Variants in DIS3L2 observed in about 807,000 individuals in gnomAD.
The protein encoded by DIS3L2 is DIS3-like exonuclease 2.
A neutral mutation model predicts 97.5 loss-of-function variants in DIS3L2; 34 were observed. The observed-to-expected ratio is 0.35, with a 90% CI of 0.27 to 0.46. The LOEUF (loss-of-function observed/expected upper bound fraction) is 0.46. Ranked by LOEUF, DIS3L2 falls within the 20% of genes least tolerant of loss-of-function variation. DIS3L2 has a pLI of 1.00. For synonymous variants in DIS3L2, 435 were observed against 445.2 expected, an observed-to-expected ratio of 0.98 and a Z score of 0.29; for missense variants, 1,038 against 1,146.0, an observed-to-expected ratio of 0.91 and a Z score of 1.36.
chr2:231,966,640 CATTT>C (rs1692723689), intron 1 of DIS3L2, among the ~76,000 whole-genome samples: 2 of 70,520 alleles, frequency 2.8e-5, no homozygotes, highest in African/African-American at 1.0e-4. Context: ...AGTTAAAAAA[CATTT>C]TTTTTTTTTT....
At chr2:232,232,804 G>T (rs1435462843) in intron 10 of DIS3L2, among the ~76,000 whole-genome samples, 2 of 152,158 alleles carry the variant, frequency 1.3e-5, no homozygotes, top group Non-Finnish European at 2.9e-5. Context: ...CAGAAATGAG[G>T]TTTGAATCCC....
chr2:232,333,209 T>TCCGCTGTCG (rs1302987635), intron 16 of DIS3L2, among the ~76,000 whole-genome samples: 7 of 49,604 alleles, frequency 1.4e-4, no homozygotes, highest in East Asian at 8.7e-4. Context: ...CTCCTCCTCC[T>TCCGCTGTCG]CCTCCTCCTC....
intron 5 of DIS3L2, among the ~76,000 whole-genome samples, chr2:232,064,542 G>T (rs12466111): frequency 0.1 from 15,151 of 152,112 alleles, 848 homozygotes; most frequent in African/African-American, 0.15. Context: ...TATTTCTCTT[G>T]GTTAAGTAGG....
intron 7 of DIS3L2, among the ~76,000 whole-genome samples, chr2:232,133,987 C>CAA (rs60195881): frequency 1.0e-4 from 8 of 76,324 alleles, no homozygotes; most frequent in African/African-American, 1.5e-4. Context: ...GACTCTGTCT[C>CAA]AAAAAAAAAA....
intron 9 of DIS3L2, among the ~76,000 whole-genome samples, chr2:232,188,947 A>C (rs1691530098): frequency 6.6e-6 from 1 of 152,230 alleles, no homozygotes; most frequent in South Asian, 2.1e-4. Context: ...TACAAATGGA[A>C]AACAAGCAAA....
chr2:232,051,629 G>T, intron 5 of DIS3L2, among the ~76,000 whole-genome samples: 1 of 151,064 alleles, frequency 6.6e-6, no homozygotes, highest in East Asian at 2.0e-4. Flanking sequence ...CGGCTAAAAC[G>T]GTGAAACACC....
At chr2:232,048,821 A>G (rs1048235259) in intron 5 of DIS3L2, among the ~76,000 whole-genome samples, 1 of 152,052 alleles carries the variant, frequency 6.6e-6, no homozygotes, top group Non-Finnish European at 1.5e-5. Flanking sequence ...ATAGTGTGTT[A>G]TTGAATATAG....
At chr2:232,206,578 C>T (rs1264141695) in intron 9 of DIS3L2, among the ~76,000 whole-genome samples, 2 of 152,160 alleles carry the variant, frequency 1.3e-5, no homozygotes, top group Non-Finnish European at 2.9e-5. Flanking sequence ...AAACTGTTCT[C>T]ATCTTGCAGG....
intron 9 of DIS3L2, among the ~76,000 whole-genome samples, chr2:232,166,906 A>T (rs1690840342): frequency 6.6e-6 from 1 of 151,994 alleles, no homozygotes; most frequent in Non-Finnish European, 1.5e-5. Context: ...CTATAATCCC[A>T]GCTACTTGGG....
intron 5 of DIS3L2, among the ~76,000 whole-genome samples, chr2:232,032,369 T>A (rs1694827637): frequency 1.3e-5 from 2 of 152,188 alleles, no homozygotes; most frequent in African/African-American, 4.8e-5. Context: ...TCTTGTAAAT[T>A]TGTTTAAGTT....
intron 5 of DIS3L2, among the ~76,000 whole-genome samples, chr2:232,077,616 C>A (rs907418259): frequency 2.6e-5 from 4 of 152,166 alleles, no homozygotes; most frequent in African/African-American, 9.7e-5. Flanking sequence ...TCTTTATGAT[C>A]CAGTGATTTG....
rs1397194684 is a variant in DIS3L2, at chr2:232,023,202, A to G, written c.211-1075A>G. The G allele has an allele frequency of 2.6e-5, 4 of 152,124 alleles. No homozygotes were observed. In the East Asian group the frequency reaches 7.7e-4, roughly 29 times the overall value. 9.4% of individuals were successfully genotyped at this position (152,124 alleles called of 1,614,324 possible). On this transcript the variant is annotated intron_variant, in intron 3 of 20. Transcript: ENST00000325385. ...TTAGTTAATCATTATCTTCTCCATCAGTGTGTCTCAGGGTCTTGAATATAG... is the reference window on the plus strand; with the variant it reads ...TTAGTTAATCATTATCTTCTCCATCGGTGTGTCTCAGGGTCTTGAATATAG...
intron 13 of DIS3L2, among the ~76,000 whole-genome samples, chr2:232,286,359 A>G (rs1299293850): frequency 6.6e-6 from 1 of 152,110 alleles, no homozygotes; most frequent in Non-Finnish European, 1.5e-5. Flanking sequence ...GGCAGACAGC[A>G]AGGCTTTGAA....
intron 9 of DIS3L2, among the ~76,000 whole-genome samples, chr2:232,206,061 G>A (rs1692018991): frequency 6.6e-6 from 1 of 152,166 alleles, no homozygotes; most frequent in Non-Finnish European, 1.5e-5. Flanking sequence ...GTAGGACAAG[G>A]GCACCATGGG....
chr2:232,091,661 A>T (rs962021554), intron 6 of DIS3L2, among the ~76,000 whole-genome samples: 2 of 152,006 alleles, frequency 1.3e-5, no homozygotes, highest in Non-Finnish European at 2.9e-5. Context: ...TTTCTTTTGG[A>T]TATGTACATA....
intron 13 of DIS3L2, among the ~76,000 whole-genome samples, chr2:232,296,508 A>G (rs1691678963): frequency 6.6e-6 from 1 of 152,152 alleles, no homozygotes; most frequent in Admixed American, 6.5e-5. Context: ...ATGTTGTGGG[A>G]GGGACCCAGT....
rs138487409 is a variant in DIS3L2, at chr2:232,270,589, TACCATG to T, written c.1659+7150_1659+7155del. On this transcript the variant is annotated intron_variant, in intron 13 of 20. Transcript: ENST00000325385. Reference sequence around the variant, plus strand: ...ATTTTTTTGGTACTACAAATAATAGTACCATGGCCATGGCCATCTGTGTTCGTAAAT... The same window carrying T: ...ATTTTTTTGGTACTACAAATAATAGTGCCATGGCCATCTGTGTTCGTAAAT... Among the ~76,000 whole-genome samples, 1,309 of 152,338 alleles carry T rather than the reference TACCATG, an allele frequency of 8.6e-3. 16 individuals carry two copies. Among genetic ancestry groups the T allele is most frequent in the African/African-American group, 0.03 (1,253 of 41,584 alleles).
intron 8 of DIS3L2, among the ~76,000 whole-genome samples, chr2:232,161,418 CAT>C (rs773640398): frequency 1.6e-4 from 24 of 152,304 alleles, no homozygotes; most frequent in Middle Eastern, 3.4e-3. Flanking sequence ...CAAATGTTGA[CAT>C]GTTATGTTTT....
intron 7 of DIS3L2, chr2:232,130,940 G>A (rs1007829470): frequency 2.7e-5 from 15 of 559,156 alleles, no homozygotes; most frequent in Non-Finnish European, 5.9e-6. Context: ...TTCTTTGAGT[G>A]TGGGTATGTT....
Sources: allele counts gnomAD v4.1 joint callset (sites outside exome capture counted in the v4.1 genomes callset), GRCh38; gene constraint gnomAD v4.1.1; transcripts MANE v1.5; gene names NCBI Gene and HGNC (gene_info 2026-07-23, HGNC 2026-07-21).